Variants in MS4A18 observed in about 807,000 individuals in gnomAD.
MS4A18 encodes the protein membrane-spanning 4-domains subfamily A member 18.
MS4A18 carries 27 observed loss-of-function variants against 13.1 expected under a neutral mutation model. The ratio of observed to expected loss-of-function variants is 2.06; its 90% CI spans 1.52 to 2.84. The LOEUF is 2.84. Among genes scored for constraint, MS4A18 ranks in the 30% most tolerant of loss-of-function variants. The probability of loss-of-function intolerance (pLI) is 0.00; values close to 1 mark genes in which losing one functional copy is unlikely to be tolerated. For missense variants in MS4A18, 307 were observed against 196.4 expected, an observed-to-expected ratio of 1.56 and a Z score of -3.37; for synonymous variants, 126 against 76.5, an observed-to-expected ratio of 1.65 and a Z score of -3.38.
At chr11:60,736,005 C>T (rs1853334470) in intron 2 of MS4A18, among the ~76,000 whole-genome samples, 1 of 152,112 alleles carries the variant, frequency 6.6e-6, no homozygotes, top group African/African-American at 2.4e-5. Flanking sequence ...ACCTATATGC[C>T]TAAGCAACGA....
upstream of MS4A18, chr11:60,729,209 AT>A: frequency 1.6e-6 from 1 of 621,440 alleles, no homozygotes; most frequent in Non-Finnish European, 2.9e-6. Context: ...GGTGATTCTT[AT>A]TTTAATGAAG....
chr11:60,739,029 C>T, intron 4 of MS4A18, 32 bp downstream of exon 5: 1 of 701,764 alleles, frequency 1.4e-6, no homozygotes, highest in Non-Finnish European at 2.6e-6. Context: ...CCCCGTGCTG[C>T]CAAAGGACCA....
At chr11:60,725,686 C>A (rs531532221), upstream of MS4A18, among the ~76,000 whole-genome samples, 80 of 152,234 alleles carry the variant, frequency 5.3e-4, no homozygotes, top group Middle Eastern at 3.4e-3. Context: ...ACATTTAGCA[C>A]AGTATTCATT....
upstream of MS4A18, among the ~76,000 whole-genome samples, chr11:60,726,747 A>ATTTTATTTTATTTTATTTTT (rs1853167855): frequency 2.0e-5 from 3 of 149,640 alleles, no homozygotes; most frequent in Non-Finnish European, 3.0e-5. Flanking sequence ...ATTTTATTTT[A>ATTTTATTTTATTTTATTTTT]TTTTATTTTA....
At position 60,730,761 on chromosome 11, in the gene MS4A18, A is replaced by C. The variant is rs186321313; in HGVS notation, c.477+969A>C. Among the ~76,000 whole-genome samples, 8 of 152,332 alleles carry C rather than the reference A, an allele frequency of 5.3e-5. No individual in the cohort carries two copies. The East Asian group carries it at 1.5e-3, about 29-fold the overall frequency. ...TTGCCTCCCAAACAAATCAAAATCA[A>C]ATCCTGAACTAAATTCTATAAAACA... is the stretch of plus-strand genomic sequence containing the variant. On this transcript the variant is annotated intron_variant, in intron 1 of 5. Coordinates refer to ENST00000529108, the Ensembl canonical transcript of MS4A18.
At chr11:60,743,183 C>T (rs1853432901) in intron 5 of MS4A18, among the ~76,000 whole-genome samples, 1 of 152,234 alleles carries the variant, frequency 6.6e-6, no homozygotes, top group Admixed American at 6.5e-5. Context: ...CAAACAACCC[C>T]AAAACTTAAT....
At chr11:60,727,461 G>A (rs917711553), upstream of MS4A18, among the ~76,000 whole-genome samples, 19 of 152,148 alleles carry the variant, frequency 1.2e-4, no homozygotes, top group African/African-American at 3.4e-4. Flanking sequence ...TCTTGCTTTC[G>A]AGTTTACTTT....
At chr11:60,733,669 C>T (rs1853291754) in intron 2 of MS4A18, 22 bp downstream of exon 3, 1 of 703,346 alleles carries the variant, frequency 1.4e-6, no homozygotes, top group Admixed American at 2.0e-5. Flanking sequence ...GCCATATGGT[C>T]TCCTTCCTGG....
intron 2 of MS4A18, 48 bp downstream of exon 3, chr11:60,733,695 C>A (rs1853292041): frequency 1.4e-6 from 1 of 702,916 alleles, no homozygotes; most frequent in African/African-American, 1.7e-5. Flanking sequence ...CAGACTGGGA[C>A]AAGAAGGAAG....
chr11:60,735,335 CTTTT>C (rs71043724), intron 2 of MS4A18, among the ~76,000 whole-genome samples: 3 of 121,630 alleles, frequency 2.5e-5, no homozygotes, highest in Admixed American at 8.1e-5. Flanking sequence ...TAATGTTTTT[CTTTT>C]TTTTTTTTTT....
rs1355280873 is a variant in MS4A18, at chr11:60,743,762, C to G, written c.971C>G (p.Thr324Ser). 5.7e-6 allele frequency: 4 copies of G among 702,684 alleles called. No homozygotes were observed. In the East Asian group the frequency reaches 1.1e-4, roughly 19 times the overall value. 43.5% of individuals were successfully genotyped at this position (702,684 alleles called of 1,614,324 possible). The change falls in exon 6 of 6, where the codon ACC becomes AGC. Residue 324 changes from threonine to serine, a missense_variant. Thr to Ser is a moderately conservative substitution (Grantham distance 58, BLOSUM62 1). Transcript: ENST00000529108. ...GCTGCCACTGGCCCTGTCAGTGCCA[C>G]CAATGGTCCTGTCAATACTACCATT...
At chr11:60,742,460 C>A (rs1853425087) in intron 5 of MS4A18, among the ~76,000 whole-genome samples, 1 of 152,182 alleles carries the variant, frequency 6.6e-6, no homozygotes, top group African/African-American at 2.4e-5. Flanking sequence ...AAAAGCCACA[C>A]CTAAGACTGT....
At chr11:60,727,478 G>A (rs139394188), upstream of MS4A18, among the ~76,000 whole-genome samples, 148 of 152,254 alleles carry the variant, frequency 9.7e-4, no homozygotes, top group African/African-American at 3.4e-3. Context: ...CTTTATAGAC[G>A]ATTAATATTA....
chr11:60,725,339 G>A (rs1010156712), upstream of MS4A18, among the ~76,000 whole-genome samples: 8 of 152,106 alleles, frequency 5.3e-5, no homozygotes, highest in Non-Finnish European at 5.9e-5. Context: ...GACTACAGGC[G>A]CCCGCCACCA....
upstream of MS4A18, among the ~76,000 whole-genome samples, chr11:60,725,454 A>G (rs1237853383): frequency 6.6e-6 from 1 of 152,098 alleles, no homozygotes; most frequent in Non-Finnish European, 1.5e-5. Context: ...TTGGCCTCCC[A>G]AAGTGCTGGG....
downstream of MS4A18, among the ~76,000 whole-genome samples, chr11:60,744,671 T>TA (rs146319239): frequency 6.6e-5 from 10 of 151,416 alleles, no homozygotes; most frequent in East Asian, 1.9e-4. Flanking sequence ...CTCAACAGTA[T>TA]AAAAAAAAAT....
At chr11:60,733,216 G>A (rs917323870) in intron 1 of MS4A18, among the ~76,000 whole-genome samples, 8 of 152,252 alleles carry the variant, frequency 5.3e-5, no homozygotes, top group African/African-American at 1.9e-4. Context: ...CACAACCCGG[G>A]CTCGGCCCGT....
At chr11:60,739,026 C>CT (rs1484257350) in intron 4 of MS4A18, 29 bp downstream of exon 5, 1 of 702,064 alleles carries the variant, frequency 1.4e-6, no homozygotes, top group East Asian at 2.7e-5. Context: ...GGGCCCCGTG[C>CT]TGCCAAAGGA....
At chr11:60,739,045 G>A (rs1434315882) in intron 4 of MS4A18, 48 bp downstream of exon 5, 6 of 698,832 alleles carry the variant, frequency 8.6e-6, no homozygotes, top group South Asian at 1.5e-5. Flanking sequence ...GACCAGGAGG[G>A]CTTCTGAGGT....
Sources: gnomAD v4.1 joint callset for allele counts (sites outside exome capture counted in the v4.1 genomes callset) on GRCh38, gnomAD v4.1.1 for gene constraint, MANE v1.5 for transcripts, NCBI Gene and HGNC (gene_info 2026-07-23, HGNC 2026-07-21) for gene names.